ABCC5: variants seen among roughly 807,000 people sequenced by gnomAD.
ABCC5 encodes ATP-binding cassette sub-family C member 5.
ABCC5 carries 61 observed loss-of-function variants against 160.9 expected under a neutral mutation model. The ratio of observed to expected loss-of-function variants is 0.38; its 90% CI spans 0.31 to 0.47. The LOEUF is 0.47. ABCC5 is among the 20% of genes least tolerant of loss of function. The pLI, the probability that ABCC5 is intolerant of heterozygous loss-of-function variation, is 0.99. For synonymous variants in ABCC5, 666 were observed against 700.6 expected (o/e 0.95, Z 0.78); for missense variants, 1,308 against 1,813.3 (o/e 0.72, Z 5.06).
chr3:183,971,986 G>A, intron 10 of ABCC5, 67 bp from the exon 11 acceptor site: 1 of 1,605,618 alleles, frequency 6.2e-7, no homozygotes, highest in Non-Finnish European at 8.5e-7. Context: ...ACAAGCCTAG[G>A]GCGTACACTC....
At chr3:183,978,675 T>C in intron 8 of ABCC5, 24 bp from the exon 9 acceptor site, 1 of 1,609,686 alleles carries the variant, frequency 6.2e-7, no homozygotes, top group Non-Finnish European at 8.5e-7. Flanking sequence ...GCAAGCCAAT[T>C]TCAAAGCAAG....
intron 1 of ABCC5, among the ~76,000 whole-genome samples, chr3:184,015,919 G>A (rs1722153913): frequency 6.6e-6 from 1 of 152,178 alleles, no homozygotes; most frequent in Admixed American, 6.5e-5. Context: ...CCCTAGCTTA[G>A]CTGATTATCT....
At chr3:184,012,938 A>G (rs896084003) in intron 2 of ABCC5, among the ~76,000 whole-genome samples, 1 of 152,242 alleles carries the variant, frequency 6.6e-6, no homozygotes, top group African/African-American at 2.4e-5. Context: ...AGGAAAGGCC[A>G]GTGTCAGCTG....
intron 25 of ABCC5, among the ~76,000 whole-genome samples, chr3:183,940,408 C>T (rs969570751): frequency 1.5e-5 from 2 of 137,068 alleles, no homozygotes; most frequent in Non-Finnish European, 3.1e-5. Flanking sequence ...ACTCCAGAGC[C>T]GAGATTGCAC....
At chr3:183,997,346 T>C (rs929941440) in intron 2 of ABCC5, among the ~76,000 whole-genome samples, 3 of 152,230 alleles carry the variant, frequency 2.0e-5, no homozygotes, top group Admixed American at 6.5e-5. Flanking sequence ...GAGGAATTAA[T>C]GGGATAATTA....
chr3:183,942,929 G>C lies in ABCC5; in HGVS notation c.3505-13C>G. On this transcript the variant is annotated splice_polypyrimidine_tract_variant and intron_variant, in intron 24 of 29. Transcript: ENST00000334444. ...CCAAGGACAGAGTCTGGGGAGACAA[G>C]GGTGGCCAGTTCAGACTGACCACAG... 2 of 1,604,286 alleles carry C rather than the reference G, an allele frequency of 1.2e-6. No homozygotes were observed.
At chr3:184,009,892 T>TA (rs1721559747) in intron 2 of ABCC5, 1 of 386,308 alleles carries the variant, frequency 2.6e-6, no homozygotes, top group Non-Finnish European at 5.2e-6. Context: ...CACATGCCTG[T>TA]AATCCCAGCA....
chr3:183,963,415 C>G lies in ABCC5; in HGVS notation c.2205G>C (p.Lys735Asn). Residue 735 changes from lysine to asparagine, a missense_variant, in exon 15 of 30, where the codon AAG becomes AAC. By Grantham distance (94) the Lys-to-Asn change is moderately conservative. Around this residue, in one of 3 missense-constraint regions of ABCC5, gnomAD observed 1,142 missense variants for 1,527.1 expected, o/e 0.75. Transcript: ENST00000334444. This position sits in a 1 kb window ranked among gnomAD's most constrained non-coding sequence, Gnocchi z 4.6. ...NSAIRKHLKS[K>N]TVLFVTHQLQ... Reference sequence around the variant, plus strand: ...ACTGGTGGGTAACAAACAGAACTGTCTTGGACTTGAGATGTTTCCGGATAG... The same window carrying G: ...ACTGGTGGGTAACAAACAGAACTGTGTTGGACTTGAGATGTTTCCGGATAG... 1 of 1,614,254 alleles carries G rather than the reference C, an allele frequency of 6.2e-7. No homozygotes were observed. Among genetic ancestry groups the G allele is most frequent in the Non-Finnish European group, 8.5e-7 (1 of 1,180,048 alleles).
intron 12 of ABCC5, among the ~76,000 whole-genome samples, chr3:183,966,252 G>A (rs534069660): frequency 2.6e-5 from 4 of 152,260 alleles, no homozygotes; most frequent in East Asian, 1.9e-4. Flanking sequence ...CTCACACAGC[G>A]TGTACACACA....
rs1336920597 is a variant in ABCC5, at chr3:183,965,448, G to A, written c.1887C>T (p.Ala629=). The change falls in exon 13 of 30, where the codon GCC becomes GCT. Residue 629 remains alanine, a synonymous_variant. Transcript: ENST00000334444. ...TAGCATTGAGGATCCAGGCCTGCTG[G>A]GCCACATAAGCGAAGGTTCCACTGA... The part of the protein sequence containing the change: ...IAISGTFAYV[A]QQAWILNATL... 6.2e-7 allele frequency: 1 copy of A among 1,613,636 alleles called. No homozygotes were observed. The highest frequency in any genetic ancestry group is 8.5e-7 in the Non-Finnish European group (1 of 1,180,030).
At position 183,925,582 on chromosome 3, in the gene ABCC5, A is replaced by G. The variant is rs762588306; in HGVS notation, c.4185T>C (p.Asp1395=). 11 of 1,613,818 alleles carry G rather than the reference A, an allele frequency of 6.8e-6. No homozygotes were observed. The highest frequency in any genetic ancestry group is 1.3e-5 in the African/African-American group (1 of 74,934). ...GTCCCTGGGCCAGCACCATAATCCT[A>G]TCGGAGCCTAGAACCGTGTGCAGGC... The part of the protein sequence containing the change: ...AHRLHTVLGS[D]RIMVLAQGQV... The change falls in exon 29 of 30, where the codon GAT becomes GAC. Residue 1395 remains aspartate, a synonymous_variant. Transcript: ENST00000334444.
At chr3:184,007,859 C>T (rs1184607818) in intron 2 of ABCC5, among the ~76,000 whole-genome samples, 3 of 152,078 alleles carry the variant, frequency 2.0e-5, no homozygotes, top group Admixed American at 1.3e-4. Flanking sequence ...AAAAACCCCA[C>T]ACATAATGTG....
chr3:184,005,057 G>C (rs1422424687), intron 2 of ABCC5, among the ~76,000 whole-genome samples: 1 of 152,182 alleles, frequency 6.6e-6, no homozygotes, highest in Non-Finnish European at 1.5e-5. Flanking sequence ...CTGGGCCAGA[G>C]ACAGGCAACA....
intron 26 of ABCC5, among the ~76,000 whole-genome samples, chr3:183,937,173 T>A (rs1355898592): frequency 6.6e-6 from 1 of 151,954 alleles, no homozygotes; most frequent in Non-Finnish European, 1.5e-5. Flanking sequence ...GGTCAGGCGT[T>A]CAAGGCCAGC....
intron 28 of ABCC5, 69 bp downstream of exon 28, chr3:183,927,261 A>C: frequency 6.7e-7 from 1 of 1,485,654 alleles, no homozygotes; most frequent in Non-Finnish European, 9.2e-7. Context: ...TTTGGACCCC[A>C]GTGTGTCAGG....
chr3:183,948,631 GC>G (rs1362232037), intron 22 of ABCC5, among the ~76,000 whole-genome samples: 4 of 151,678 alleles, frequency 2.6e-5, no homozygotes, highest in African/African-American at 9.7e-5. Flanking sequence ...CCATCTTCCA[GC>G]TACCCAGTTC....
intron 17 of ABCC5, among the ~76,000 whole-genome samples, chr3:183,953,803 C>T (rs1315781887): frequency 2.0e-5 from 3 of 152,158 alleles, no homozygotes; most frequent in African/African-American, 7.2e-5. Context: ...AAACACACCA[C>T]CACAGTGATT....
chr3:183,941,997 C>T (rs183170686), intron 25 of ABCC5, among the ~76,000 whole-genome samples: 78 of 151,978 alleles, frequency 5.1e-4, no homozygotes, highest in Middle Eastern at 3.4e-3. Flanking sequence ...GTAAATTACT[C>T]AAGTCCTGAC....
At position 183,963,700 on chromosome 3, in the gene ABCC5, TC is replaced by T; in HGVS notation, c.2032-113del. On this transcript the variant is annotated intron_variant, in intron 14 of 29. Transcript: ENST00000334444. The surrounding 1 kb of genome is among the most constrained non-coding windows in gnomAD (Gnocchi z 4.6). ...ACCCAGACCAGCTCCTTCTGTCAAT[TC>T]CCCGCAGATGAACTGCCATGCTGAT... 3 of 910,338 alleles carry T rather than the reference TC, an allele frequency of 3.3e-6. No individual in the cohort carries two copies. Among genetic ancestry groups the T allele is most frequent in the South Asian group, 3.2e-5 (2 of 61,904 alleles). The allele number at this position is 910,338 out of a possible 1,614,324, so 56.4% of individuals were successfully genotyped here. A position where few individuals can be genotyped will look rare whatever the true frequency, so the allele number is the denominator to read the frequency against.
Sources: gnomAD v4.1 joint callset for allele counts (sites outside exome capture counted in the v4.1 genomes callset) on GRCh38, gnomAD v4.1.1 for gene constraint, gnomAD v4.1.1 regional missense constraint, Gnocchi (gnomAD v3.1) non-coding constraint, MANE v1.5 for transcripts, NCBI Gene and HGNC (gene_info 2026-07-23, HGNC 2026-07-21) for gene names.